Variants in GHR observed in about 807,000 individuals in gnomAD.
GHR encodes growth hormone receptor, also known as GH receptor.
A neutral mutation model predicts 67.1 loss-of-function variants in GHR; 35 were observed. That is an observed-to-expected ratio of 0.52 (90% CI 0.40 to 0.69). The LOEUF is 0.69. GHR is among the 30% of genes least tolerant of loss of function. The probability of loss-of-function intolerance (pLI) is 0.00; values close to 1 mark genes in which losing one functional copy is unlikely to be tolerated. For missense variants in GHR, 792 were observed against 764.6 expected, an observed-to-expected ratio of 1.04 and a Z score of -0.42; for synonymous variants, 272 against 269.1, an observed-to-expected ratio of 1.01 and a Z score of -0.10.
chr5:42,519,191 A>T (rs1052778841), intron 1 of GHR, among the ~76,000 whole-genome samples: 3 of 152,198 alleles, frequency 2.0e-5, no homozygotes, highest in Admixed American at 6.5e-5. Flanking sequence ...ATTTCTGGAA[A>T]TATCTCCTTT....
chr5:42,634,851 C>T (rs796131089), intron 3 of GHR, among the ~76,000 whole-genome samples: 9 of 152,306 alleles, frequency 5.9e-5, no homozygotes, highest in African/African-American at 2.2e-4. Flanking sequence ...CGGCCCACCA[C>T]TGCCTCTCTG....
At chr5:42,622,366 G>A (rs1419119414) in intron 2 of GHR, among the ~76,000 whole-genome samples, 1 of 152,208 alleles carries the variant, frequency 6.6e-6, no homozygotes, top group Admixed American at 6.5e-5. Flanking sequence ...CCTAGAGGCA[G>A]AGCCCTGCAG....
intron 1 of GHR, among the ~76,000 whole-genome samples, chr5:42,478,226 C>T (rs1467526318): frequency 6.6e-6 from 1 of 152,128 alleles, no homozygotes; most frequent in Admixed American, 6.5e-5. Context: ...GGGCTCCGTT[C>T]GGTTCCATTG....
At chr5:42,687,969 T>TTC (rs1290830561) in intron 3 of GHR, among the ~76,000 whole-genome samples, 1 of 152,180 alleles carries the variant, frequency 6.6e-6, no homozygotes, top group African/African-American at 2.4e-5. Context: ...ATCTATACAT[T>TTC]TCATAGATGC....
At chr5:42,521,578 A>G (rs949002567) in intron 1 of GHR, among the ~76,000 whole-genome samples, 1 of 152,216 alleles carries the variant, frequency 6.6e-6, no homozygotes, top group Non-Finnish European at 1.5e-5. Flanking sequence ...AGAAAGCTTT[A>G]CATTTTCATC....
chr5:42,497,584 C>CACCTA (rs1390495039), intron 1 of GHR, among the ~76,000 whole-genome samples: 1 of 152,158 alleles, frequency 6.6e-6, no homozygotes, highest in Non-Finnish European at 1.5e-5. Flanking sequence ...ATTTACATAT[C>CACCTA]ACCTATGGCT....
chr5:42,654,080 A>G (rs1755134620), intron 3 of GHR, among the ~76,000 whole-genome samples: 1 of 152,044 alleles, frequency 6.6e-6, no homozygotes, highest in South Asian at 2.1e-4. Context: ...TGTTTAACCA[A>G]TGGTACCCTG....
intron 3 of GHR, among the ~76,000 whole-genome samples, chr5:42,641,003 G>C (rs1754444239): frequency 6.6e-6 from 1 of 152,136 alleles, no homozygotes; most frequent in Non-Finnish European, 1.5e-5. Context: ...AGGAAAGGCA[G>C]GCACTCAAAC....
At chr5:42,480,588 A>C (rs989435168) in intron 1 of GHR, among the ~76,000 whole-genome samples, 1 of 152,198 alleles carries the variant, frequency 6.6e-6, no homozygotes, top group Non-Finnish European at 1.5e-5. Flanking sequence ...AGGTGCATAT[A>C]TATTTAGGAT....
chr5:42,549,032 G>C (rs758336651), intron 1 of GHR, among the ~76,000 whole-genome samples: 2 of 152,228 alleles, frequency 1.3e-5, no homozygotes, highest in Non-Finnish European at 2.9e-5. Flanking sequence ...GTAAAGAGAA[G>C]TGATACCACA....
intron 3 of GHR, among the ~76,000 whole-genome samples, chr5:42,662,347 G>T (rs889697567): frequency 2.0e-5 from 3 of 151,794 alleles, no homozygotes; most frequent in African/African-American, 7.3e-5. Context: ...TTGACCACGT[G>T]GTTCGAAGCA....
intron 1 of GHR, among the ~76,000 whole-genome samples, chr5:42,485,798 G>A (rs1745852749): frequency 6.6e-6 from 1 of 152,166 alleles, no homozygotes; most frequent in African/African-American, 2.4e-5. Context: ...CTCACAAGAA[G>A]ACTTAATTTG....
intron 1 of GHR, among the ~76,000 whole-genome samples, chr5:42,550,737 G>A (rs1397591559): frequency 1.3e-5 from 2 of 152,112 alleles, no homozygotes; most frequent in Admixed American, 1.3e-4. Context: ...GGGGGAAGCT[G>A]GACTGTGGGA....
intron 1 of GHR, among the ~76,000 whole-genome samples, chr5:42,426,512 T>C (rs529866521): frequency 2.0e-5 from 3 of 152,346 alleles, no homozygotes; most frequent in African/African-American, 4.8e-5. Context: ...TAAAGAGCAA[T>C]TTTTAAAAAG....
chr5:42,462,256 G>T (rs529258149), intron 1 of GHR, among the ~76,000 whole-genome samples: 23 of 152,288 alleles, frequency 1.5e-4, no homozygotes, highest in African/African-American at 5.3e-4. Flanking sequence ...CTCTGTTTCT[G>T]TCATTAGATT....
intron 9 of GHR, 24 bp from the exon 10 acceptor site, chr5:42,718,429 C>A (rs1420849216): frequency 1.3e-6 from 2 of 1,545,362 alleles, no homozygotes; most frequent in Admixed American, 3.3e-5. Context: ...TTTCATAGAT[C>A]TTCATTTTCT....
rs374285603 is a variant in GHR at position 42,719,442 on chromosome 5, A to G, written c.*18A>G. On this transcript the variant is annotated 3_prime_UTR_variant, in exon 10 of 10. Transcript: ENST00000230882. ...TGCCTTAGCCTTTCTTTGGTTTCCC[A>G]AGAGCTACGTATTTAATAGCAAAGA... 4.4e-6 allele frequency: 7 copies of G among 1,607,930 alleles called. No individual in the cohort carries two copies. The African/African-American group carries it at 5.3e-5, about 12-fold the overall frequency.
intron 3 of GHR, among the ~76,000 whole-genome samples, chr5:42,684,770 G>A (rs555454843): frequency 1.6e-4 from 24 of 151,990 alleles, no homozygotes; most frequent in African/African-American, 2.7e-4. Context: ...CAATATGACC[G>A]TGGAATTTGA....
chr5:42,643,435 T>C (rs934755562), intron 3 of GHR, among the ~76,000 whole-genome samples: 35 of 152,196 alleles, frequency 2.3e-4, no homozygotes, highest in Non-Finnish European at 3.8e-4. Context: ...AAGGAATACA[T>C]GCTGCTGGTG....
Sources: gnomAD v4.1 joint callset for allele counts (sites outside exome capture counted in the v4.1 genomes callset) on GRCh38, gnomAD v4.1.1 for gene constraint, MANE v1.5 for transcripts, NCBI Gene and HGNC (gene_info 2026-07-23, HGNC 2026-07-21) for gene names.